Variants in TLL1 observed in about 807,000 individuals in gnomAD.
TLL1 encodes the protein tolloid-like protein 1.
In TLL1, 49 loss-of-function variants were observed where a neutral mutation model predicts 128.2. The ratio of observed to expected loss-of-function variants is 0.38; its 90% CI spans 0.30 to 0.48. The LOEUF (loss-of-function observed/expected upper bound fraction) is 0.48. TLL1 is among the 20% of genes least tolerant of loss of function. The probability of loss-of-function intolerance (pLI) is 0.96; values close to 1 mark genes in which losing one functional copy is unlikely to be tolerated. For missense variants in TLL1, 1,123 were observed against 1,242.0 expected, an observed-to-expected ratio of 0.90 and a Z score of 1.44; for synonymous variants, 454 against 418.8, an observed-to-expected ratio of 1.08 and a Z score of -1.03.
chr4:165,929,591 GAC>G (rs961628210), intron 1 of TLL1, among the ~76,000 whole-genome samples: 1 of 151,832 alleles, frequency 6.6e-6, no homozygotes, highest in African/African-American at 2.4e-5. Context: ...CAGCAAATCT[GAC>G]TTTTCTCAGG....
intron 1 of TLL1, among the ~76,000 whole-genome samples, chr4:165,935,027 G>C (rs1733700859): frequency 6.6e-6 from 1 of 152,158 alleles, no homozygotes; most frequent in African/African-American, 2.4e-5. Flanking sequence ...AATCAGAGTA[G>C]CAGATAATAT....
intron 1 of TLL1, among the ~76,000 whole-genome samples, chr4:165,898,137 T>C (rs1731774701): frequency 6.6e-6 from 1 of 152,156 alleles, no homozygotes; most frequent in African/African-American, 2.4e-5. Flanking sequence ...AAGCTGAGAC[T>C]ATGGGGTTTT....
At chr4:165,906,743 G>T (rs1345825652) in intron 1 of TLL1, among the ~76,000 whole-genome samples, 1 of 150,562 alleles carries the variant, frequency 6.6e-6, no homozygotes, top group Non-Finnish European at 1.5e-5. Flanking sequence ...TTAGTAAATT[G>T]TCTCTTTGAA....
intron 10 of TLL1, among the ~76,000 whole-genome samples, chr4:166,040,071 T>C (rs1739177308): frequency 6.6e-6 from 1 of 152,224 alleles, no homozygotes. Context: ...ATAGGCAGTT[T>C]ACTGTTGCCC....
chr4:165,989,463 C>A lies in TLL1; in HGVS notation c.252C>A (p.Asn84Lys), dbSNP rs1269602336. 1.9e-6 allele frequency: 3 copies of A among 1,612,644 alleles called. No homozygotes were observed. The highest frequency in any genetic ancestry group is 3.3e-5 in the Admixed American group (2 of 59,870). The change falls in exon 2 of 21, where the codon AAC (asparagine) becomes AAA (lysine). Residue 84 changes from asparagine (N) to lysine (K), a missense_variant. Physicochemically the swap from Asn to Lys is moderately conservative, Grantham distance 94. Around this residue, in one of 3 missense-constraint regions of TLL1, gnomAD observed 480 missense variants for 542.4 expected, o/e 0.89. Coordinates refer to ENST00000061240, the MANE Select transcript of TLL1 (RefSeq NM_012464.5). ...ATAGGACAATTGACCTTACGCAGAACCCCTTTGGAAACCTTGGACATACCA... is the reference window on the plus strand; with the variant it reads ...ATAGGACAATTGACCTTACGCAGAAACCCTTTGGAAACCTTGGACATACCA... ...QIDRTIDLTQ[N>K]PFGNLGHTTG...
At position 165,926,212 on chromosome 4, in the gene TLL1, T is replaced by C. The variant is rs532195421; in HGVS notation, c.169+52139T>C. 3.9e-5 allele frequency among the ~76,000 whole-genome samples: 6 copies of C among 152,290 alleles called. No homozygotes were observed. In the East Asian group the frequency reaches 1.2e-3, roughly 29 times the overall value. On this transcript the variant is annotated intron_variant, in intron 1 of 20. Coordinates refer to ENST00000061240, the MANE Select transcript of TLL1 (RefSeq NM_012464.5). ...AAAGATTGAAATTTCAGGAAGTATA[T>C]ATTGAAATAGAAGTACTATACCAGA...
In TLL1 at chr4:166,030,978, T is replaced by G. The variant is rs147527642; in HGVS notation, c.1158+5547T>G. 4.0e-4 allele frequency: 385 copies of G among 968,634 alleles called. No individual in the cohort carries two copies. The African/African-American group carries it at 5.3e-3, about 13-fold the overall frequency. 60.0% of individuals were successfully genotyped at this position (968,634 alleles called of 1,614,324 possible). A position where few individuals can be genotyped will look rare whatever the true frequency, so the allele number is the denominator to read the frequency against. ...AAAAATACCTTCATTTCAAACATTT[T>G]TAATGTACGATTTTGCACATTAAAG... is the stretch of plus-strand genomic sequence containing the variant. On this transcript the variant is annotated intron_variant, in intron 9 of 20. Coordinates refer to ENST00000061240, the MANE Select transcript of TLL1 (RefSeq NM_012464.5).
At chr4:166,067,407 T>A (rs1428472688) in intron 16 of TLL1, among the ~76,000 whole-genome samples, 1 of 151,780 alleles carries the variant, frequency 6.6e-6, no homozygotes, top group Admixed American at 6.6e-5. Context: ...GAAACAGTAC[T>A]GTTGAAATAT....
chr4:165,874,249 C>T (rs1483202214), intron 1 of TLL1, among the ~76,000 whole-genome samples, 176 bp downstream of exon 1: 2 of 151,866 alleles, frequency 1.3e-5, no homozygotes, highest in Non-Finnish European at 2.9e-5. Flanking sequence ...GCAGCCGCTG[C>T]GGCCCCAGTT....
At chr4:166,048,100 G>C (rs1254336018) in intron 12 of TLL1, among the ~76,000 whole-genome samples, 1 of 152,048 alleles carries the variant, frequency 6.6e-6, no homozygotes, top group South Asian at 2.1e-4. Context: ...GCTGGGCGTG[G>C]TGGTGGGCGC....
chr4:165,951,424 A>T (rs1734511260), intron 1 of TLL1, among the ~76,000 whole-genome samples: 1 of 152,114 alleles, frequency 6.6e-6, no homozygotes, highest in Non-Finnish European at 1.5e-5. Flanking sequence ...AACCCCTAAC[A>T]AAAAGTCTGT....
At chr4:165,996,740 T>G (rs2111022233) in intron 5 of TLL1, among the ~76,000 whole-genome samples, 1 of 152,114 alleles carries the variant, frequency 6.6e-6, no homozygotes, top group African/African-American at 2.4e-5. Context: ...TAAGGACATG[T>G]ATTTCAATTA....
At chr4:165,970,006 G>A (rs1184443383) in intron 1 of TLL1, among the ~76,000 whole-genome samples, 1 of 152,008 alleles carries the variant, frequency 6.6e-6, no homozygotes, top group African/African-American at 2.4e-5. Flanking sequence ...TAACTCTAAG[G>A]AAATTCATTA....
intron 5 of TLL1, among the ~76,000 whole-genome samples, chr4:165,998,715 TG>T (rs1328866779): frequency 6.6e-6 from 1 of 151,344 alleles, no homozygotes; most frequent in African/African-American, 2.4e-5. Context: ...GAGAATGGCG[TG>T]AACCTGGGAG....
chr4:166,077,834 G>A lies in TLL1; in HGVS notation c.2315-69G>A, dbSNP rs142650149. ...TTTCAACAGGGCAGTGGGTAAATAG[G>A]CTGCTTGCTTTCTGCCTCAAACCTG... On this transcript the variant is annotated intron_variant, in intron 17 of 20. Coordinates refer to ENST00000061240, the MANE Select transcript of TLL1 (RefSeq NM_012464.5). 2.5e-6 allele frequency: 4 copies of A among 1,606,638 alleles called. No homozygotes were observed. In the East Asian group the frequency reaches 9.0e-5, roughly 36 times the overall value.
intron 18 of TLL1, 90 bp from the exon 19 acceptor site, chr4:166,091,038 T>G (rs1193105331): frequency 9.4e-7 from 1 of 1,066,620 alleles, no homozygotes; most frequent in Non-Finnish European, 1.4e-6. Context: ...CCTGAACATA[T>G]TTTATTGATA....
chr4:165,874,133 A>T, intron 1 of TLL1, 60 bp downstream of exon 1: 2 of 1,603,906 alleles, frequency 1.2e-6, no homozygotes, highest in Non-Finnish European at 1.7e-6. Flanking sequence ...TGGGTTTCCC[A>T]TGGGTGGCGG....
At chr4:165,888,199 C>G (rs967383720) in intron 1 of TLL1, among the ~76,000 whole-genome samples, 1 of 152,072 alleles carries the variant, frequency 6.6e-6, no homozygotes, top group African/African-American at 2.4e-5. Flanking sequence ...CTAGCTTGCT[C>G]TGTTCTTAAT....
At chr4:166,096,365 T>G (rs1019361508) in intron 19 of TLL1, among the ~76,000 whole-genome samples, 3 of 152,042 alleles carry the variant, frequency 2.0e-5, no homozygotes, top group African/African-American at 4.8e-5. Context: ...AACTTCTTGT[T>G]GTCCCTAAAT....
Sources: allele counts gnomAD v4.1 joint callset (sites outside exome capture counted in the v4.1 genomes callset), GRCh38; gene constraint gnomAD v4.1.1; regional missense constraint gnomAD v4.1.1; transcripts MANE v1.5; gene names NCBI Gene and HGNC (gene_info 2026-07-23, HGNC 2026-07-21).